Variants in SHISA9 observed in about 807,000 individuals in gnomAD.
The protein encoded by SHISA9 is protein shisa-9.
In SHISA9, 13 loss-of-function variants were observed where a neutral mutation model predicts 38.0. The observed-to-expected ratio is 0.34, with a 90% CI of 0.22 to 0.54. The LOEUF is 0.54. SHISA9 is among the 20% of genes least tolerant of loss of function. The probability of loss-of-function intolerance (pLI) is 0.91; values close to 1 mark genes in which losing one functional copy is unlikely to be tolerated. For missense variants in SHISA9, 538 were observed against 575.8 expected, an observed-to-expected ratio of 0.93 and a Z score of 0.67; for synonymous variants, 275 against 242.0, an observed-to-expected ratio of 1.14 and a Z score of -1.27.
chr16:12,992,011 A>G (rs180683455), intron 2 of SHISA9, among the ~76,000 whole-genome samples: 8 of 152,328 alleles, frequency 5.3e-5, no homozygotes, highest in African/African-American at 1.9e-4. Flanking sequence ...TACCCAGCAC[A>G]TAGGTGCTCA....
At chr16:13,092,824 C>T (rs920414235) in intron 2 of SHISA9, among the ~76,000 whole-genome samples, 1 of 152,140 alleles carries the variant, frequency 6.6e-6, no homozygotes, top group Non-Finnish European at 1.5e-5. Context: ...TCCTTGGTCT[C>T]CACCCACTGT....
chr16:13,292,689 GTCTTA>G, the SHISA9 span, among the ~76,000 whole-genome samples: 1 of 152,054 alleles, frequency 6.6e-6, no homozygotes, highest in African/African-American at 2.4e-5. Flanking sequence ...CAAAAAAGAA[GTCTTA>G]TCTTCAATAC....
intron 2 of SHISA9, among the ~76,000 whole-genome samples, chr16:12,980,381 A>G (rs966957161): frequency 2.0e-5 from 3 of 152,120 alleles, no homozygotes; most frequent in Non-Finnish European, 4.4e-5. Flanking sequence ...GTTAAGTTCT[A>G]TTTTTCTCAT....
chr16:12,993,291 C>T (rs959451354), intron 2 of SHISA9, among the ~76,000 whole-genome samples: 3 of 152,136 alleles, frequency 2.0e-5, no homozygotes, highest in African/African-American at 4.8e-5. Context: ...TGTTTCAGAT[C>T]CTGAGAAATT....
At chr16:13,559,891 G>A in the SHISA9 span, among the ~76,000 whole-genome samples, 1 of 152,188 alleles carries the variant, frequency 6.6e-6, no homozygotes, top group Admixed American at 6.5e-5. Context: ...GCTAAAGTCA[G>A]TCACATCAAC....
the SHISA9 span, chr16:13,458,500 G>T: frequency 2.5e-6 from 1 of 405,514 alleles, no homozygotes; most frequent in South Asian, 1.9e-5. Context: ...TGGTAATCTA[G>T]AAAAAACTCG....
At chr16:13,432,001 C>A in the SHISA9 span, among the ~76,000 whole-genome samples, 1 of 152,196 alleles carries the variant, frequency 6.6e-6, no homozygotes, top group Non-Finnish European at 1.5e-5. Flanking sequence ...GCAGAGGTTG[C>A]AGTGAGCTGA....
the SHISA9 span, among the ~76,000 whole-genome samples, chr16:13,453,362 C>A: frequency 1.8e-4 from 28 of 152,356 alleles, no homozygotes; most frequent in Non-Finnish European, 1.6e-4. Flanking sequence ...AATTCTGTAA[C>A]TCCCTGGCTT....
rs1183860385 is a variant in SHISA9 at position 13,006,821 on chromosome 16, TG to T, written c.691+90007del. ...ACACAATTGTCCACTCTCTGATCAC[TG>T]AAGCTCATCCCCCGTCCCCCACCCT... On this transcript the variant is annotated intron_variant, in intron 2 of 4. Coordinates refer to ENST00000558583, the MANE Select transcript of SHISA9 (RefSeq NM_001145204.3). Among the ~76,000 whole-genome samples the T allele has an allele frequency of 3.9e-5, 6 of 152,178 alleles. No individual in the cohort carries two copies. In the East Asian group the frequency reaches 1.2e-3, roughly 29 times the overall value.
At chr16:13,550,649 T>TA in the SHISA9 span, among the ~76,000 whole-genome samples, 109 of 152,338 alleles carry the variant, frequency 7.2e-4, no homozygotes, top group African/African-American at 2.5e-3. Flanking sequence ...AGGAAGCTTT[T>TA]AAAAATAGCT....
chr16:13,313,281 T>G, the SHISA9 span, among the ~76,000 whole-genome samples: 1 of 142,938 alleles, frequency 7.0e-6, no homozygotes, highest in African/African-American at 2.6e-5. Flanking sequence ...AACCCAGTTT[T>G]ATAAATAGGG....
the SHISA9 span, among the ~76,000 whole-genome samples, chr16:13,553,439 C>A: frequency 1.3e-5 from 2 of 152,184 alleles, no homozygotes; most frequent in East Asian, 3.8e-4. Context: ...CCACTAACCA[C>A]TACCATTTTA....
downstream of SHISA9, among the ~76,000 whole-genome samples, chr16:13,241,362 T>C (rs1241299212): frequency 2.0e-5 from 3 of 152,094 alleles, no homozygotes; most frequent in Non-Finnish European, 4.4e-5. Flanking sequence ...CAAAATTAGC[T>C]GGGTGTGGTG....
chr16:13,220,821 C>G (rs1288444665), intron 4 of SHISA9, among the ~76,000 whole-genome samples: 1 of 152,114 alleles, frequency 6.6e-6, no homozygotes, highest in Non-Finnish European at 1.5e-5. Context: ...AGTAGCCTTT[C>G]AGAAGATGTT....
chr16:13,132,225 C>T (rs1193066227), intron 2 of SHISA9, among the ~76,000 whole-genome samples: 1 of 152,060 alleles, frequency 6.6e-6, no homozygotes, highest in Non-Finnish European at 1.5e-5. Context: ...GTCTTAGTTG[C>T]CTCATTTGTA....
At chr16:13,314,115 C>T in the SHISA9 span, among the ~76,000 whole-genome samples, 1 of 152,158 alleles carries the variant, frequency 6.6e-6, no homozygotes, top group South Asian at 2.1e-4. Context: ...GATCTCCAAG[C>T]TTCCTTCTTT....
the SHISA9 span, among the ~76,000 whole-genome samples, chr16:13,556,825 A>C: frequency 6.6e-6 from 1 of 152,212 alleles, no homozygotes; most frequent in African/African-American, 2.4e-5. Flanking sequence ...TTTTCAATAC[A>C]GTATAAAAAG....
chr16:13,486,108 G>A, the SHISA9 span, among the ~76,000 whole-genome samples: 2 of 152,214 alleles, frequency 1.3e-5, no homozygotes, highest in African/African-American at 4.8e-5. Flanking sequence ...CCTGCACGGA[G>A]TTGATTCCAG....
chr16:13,300,750 C>A, the SHISA9 span, among the ~76,000 whole-genome samples: 1 of 151,994 alleles, frequency 6.6e-6, no homozygotes, highest in Non-Finnish European at 1.5e-5. Context: ...TCAAAGAGAC[C>A]AGGTTTCATT....
Sources: allele counts gnomAD v4.1 joint callset (sites outside exome capture counted in the v4.1 genomes callset), GRCh38; gene constraint gnomAD v4.1.1; transcripts MANE v1.5; gene names NCBI Gene and HGNC (gene_info 2026-07-23, HGNC 2026-07-21).